The following SSBP3 variants were observed in gnomAD, a reference collection of about 807,000 sequenced individuals.
The protein encoded by SSBP3 is single-stranded DNA-binding protein 3.
SSBP3 carries 5 observed loss-of-function variants against 69.6 expected under a neutral mutation model. The ratio of observed to expected loss-of-function variants is 0.07; its 90% CI spans 0.04 to 0.15. The LOEUF (loss-of-function observed/expected upper bound fraction) is 0.15. Among genes scored for constraint, SSBP3 ranks in the 10% least tolerant of loss-of-function variants. The pLI is 1.00. For synonymous variants in SSBP3, 196 were observed against 193.4 expected, an observed-to-expected ratio of 1.01 and a Z score of -0.11; for missense variants, 312 against 534.0, an observed-to-expected ratio of 0.58 and a Z score of 4.10.
intron 4 of SSBP3, among the ~76,000 whole-genome samples, chr1:54,388,321 C>T (rs781103572): frequency 6.6e-6 from 1 of 152,152 alleles, no homozygotes; most frequent in South Asian, 2.1e-4. Flanking sequence ...TTCATAACAA[C>T]GGGCTCATGC....
At chr1:54,330,488 T>C (rs778832437) in intron 4 of SSBP3, among the ~76,000 whole-genome samples, 1 of 152,200 alleles carries the variant, frequency 6.6e-6, no homozygotes, top group Non-Finnish European at 1.5e-5. Context: ...AAAATTCTAC[T>C]ATGAATCCAC....
intron 4 of SSBP3, among the ~76,000 whole-genome samples, chr1:54,304,025 G>T (rs576967664): frequency 6.6e-6 from 1 of 152,286 alleles, no homozygotes; most frequent in African/African-American, 2.4e-5. Flanking sequence ...GTAGCACGGA[G>T]ACAGAGGACA....
At chr1:54,252,582 A>G (rs541764566) in intron 7 of SSBP3, among the ~76,000 whole-genome samples, 1 of 152,230 alleles carries the variant, frequency 6.6e-6, no homozygotes, top group South Asian at 2.1e-4. Flanking sequence ...GTACTAGACG[A>G]GAACCCGGCT....
intron 14 of SSBP3, among the ~76,000 whole-genome samples, chr1:54,235,307 A>T (rs1382311029): frequency 1.5e-5 from 2 of 133,094 alleles, no homozygotes; most frequent in Non-Finnish European, 3.1e-5. Context: ...TTTGAGACAG[A>T]GTCTCACTCT....
At chr1:54,256,477 T>C (rs1263343827) in intron 7 of SSBP3, among the ~76,000 whole-genome samples, 2 of 152,144 alleles carry the variant, frequency 1.3e-5, no homozygotes, top group African/African-American at 4.8e-5. Flanking sequence ...CCACCTAGAA[T>C]TGCCAACCCT....
chr1:54,282,211 G>A (rs537312318), intron 4 of SSBP3, among the ~76,000 whole-genome samples: 67 of 152,340 alleles, frequency 4.4e-4, no homozygotes, highest in Non-Finnish European at 7.1e-4. Context: ...GCCCTGGGCC[G>A]TGTCTGCCCA....
rs1005703864 is a variant in SSBP3, at chr1:54,337,473, G to A, written c.277-55946C>T. On this transcript the variant is annotated intron_variant, in intron 4 of 17. Transcript: ENST00000610401. ...AAGGTTGGCTGAACCAAAGCATTTT[G>A]TTTTCCTCAAGCTTTTTTTTTTTTT... is the stretch of plus-strand genomic sequence containing the variant. Among the ~76,000 whole-genome samples, 225 of 67,032 alleles carry A rather than the reference G, an allele frequency of 3.4e-3. 2 individuals carry two copies. Among genetic ancestry groups the A allele is most frequent in the South Asian group, 8.3e-3 (14 of 1,680 alleles). The allele number at this position is 67,032 out of a possible 152,430, so 44.0% of individuals were successfully genotyped here.
chr1:54,365,483 A>G (rs954952842), intron 4 of SSBP3, among the ~76,000 whole-genome samples: 1 of 152,242 alleles, frequency 6.6e-6, no homozygotes. Flanking sequence ...AGTGAAAGGC[A>G]ACAAGTGGGG....
intron 13 of SSBP3, among the ~76,000 whole-genome samples, 169 bp downstream of exon 13, chr1:54,240,732 GGTTA>G (rs1352831994): frequency 6.6e-6 from 1 of 152,144 alleles, no homozygotes; most frequent in African/African-American, 2.4e-5. Flanking sequence ...CAGAGGAGTA[GGTTA>G]GTGTCATCAA....
intron 4 of SSBP3, among the ~76,000 whole-genome samples, chr1:54,369,189 A>G (rs560680500): frequency 2.5e-4 from 36 of 144,946 alleles, no homozygotes; most frequent in African/African-American, 9.1e-4. Context: ...TTAAATCTGC[A>G]TTGCACATGG....
At chr1:54,346,353 A>C (rs1646690453) in intron 4 of SSBP3, among the ~76,000 whole-genome samples, 1 of 151,674 alleles carries the variant, frequency 6.6e-6, no homozygotes, top group Non-Finnish European at 1.5e-5. Flanking sequence ...TACTGTACTG[A>C]CTAAAGTTAC....
intron 4 of SSBP3, among the ~76,000 whole-genome samples, chr1:54,289,069 C>T (rs1057079669): frequency 2.4e-5 from 3 of 122,834 alleles, no homozygotes; most frequent in African/African-American, 9.3e-5. Flanking sequence ...AGTAATGTCC[C>T]ACTCACCCCT....
At chr1:54,253,867 C>G (rs922735296) in intron 7 of SSBP3, among the ~76,000 whole-genome samples, 2 of 152,224 alleles carry the variant, frequency 1.3e-5, no homozygotes, top group African/African-American at 4.8e-5. Context: ...ATGCTGACCA[C>G]CAATTCTTGG....
intron 4 of SSBP3, among the ~76,000 whole-genome samples, chr1:54,345,803 T>G (rs1318742226): frequency 1.3e-5 from 2 of 151,938 alleles, no homozygotes; most frequent in Admixed American, 1.3e-4. Context: ...CTCAGGAGTT[T>G]GAGACCAGCC....
intron 4 of SSBP3, among the ~76,000 whole-genome samples, chr1:54,331,663 G>C (rs190363616): frequency 6.6e-6 from 1 of 152,314 alleles, no homozygotes; most frequent in East Asian, 1.9e-4. Context: ...CTGGTCAGCT[G>C]GAGAAGCCTG....
chr1:54,401,832 A>G lies in SSBP3; in HGVS notation c.276+29T>C, dbSNP rs1317902745. 4 of 1,586,686 alleles carry G rather than the reference A, an allele frequency of 2.5e-6. No individual in the cohort carries two copies. The African/African-American group carries it at 4.0e-5, about 16-fold the overall frequency. Reference sequence around the variant, plus strand: ...GTTAGAGCTATCCAACCCTATAATTATTGCTAGGATTAAAAATATGTTACT... The same window carrying G: ...GTTAGAGCTATCCAACCCTATAATTGTTGCTAGGATTAAAAATATGTTACT... On this transcript the variant is annotated intron_variant, in intron 4 of 17. Transcript: ENST00000610401.
At chr1:54,261,982 A>G (rs1461584443) in intron 5 of SSBP3, among the ~76,000 whole-genome samples, 3 of 152,180 alleles carry the variant, frequency 2.0e-5, no homozygotes, top group Non-Finnish European at 4.4e-5. Context: ...AAGACCACAG[A>G]AAACTAGTTG....
rs950022842 is a variant in SSBP3, at chr1:54,405,866, CCCCGCCCG to C, written c.56+79_56+86del. The C allele has an allele frequency of 5.8e-5, 7 of 120,942 alleles. 1 individual carries two copies. Among genetic ancestry groups the C allele is most frequent in the South Asian group, 7.7e-4 (2 of 2,608 alleles). 7.5% of individuals were successfully genotyped at this position (120,942 alleles called of 1,614,324 possible). On this transcript the variant is annotated intron_variant, in intron 1 of 17. Coordinates refer to ENST00000610401, the Ensembl canonical transcript of SSBP3. ...ACCCGAGGGCGCAGCAGCCTCCGGC[CCCCGCCCG>C]CCCGCCCACCTGCCTCCCACCGCCC...
chr1:54,388,095 T>A (rs1481828806), intron 4 of SSBP3, among the ~76,000 whole-genome samples: 6 of 152,240 alleles, frequency 3.9e-5, no homozygotes, highest in Non-Finnish European at 7.3e-5. Flanking sequence ...AATAGGTTTA[T>A]CTGCATTCAT....
Sources: gnomAD v4.1 joint callset for allele counts (sites outside exome capture counted in the v4.1 genomes callset) on GRCh38, gnomAD v4.1.1 for gene constraint, MANE v1.5 for transcripts, NCBI Gene and HGNC (gene_info 2026-07-23, HGNC 2026-07-21) for gene names.